Variants in KIF15 observed in about 807,000 individuals in gnomAD.
KIF15 encodes kinesin-like protein KIF15.
KIF15 carries 140 observed loss-of-function variants against 190.6 expected under a neutral mutation model. That is an observed-to-expected ratio of 0.73 (90% CI 0.64 to 0.84). KIF15 has a LOEUF of 0.84. Ranked by LOEUF, KIF15 falls within the 40% of genes least tolerant of loss-of-function variation. The pLI is 0.00. For missense variants in KIF15, 1,372 were observed against 1,584.4 expected (o/e 0.87, Z 2.28); for synonymous variants, 528 against 551.3 (o/e 0.96, Z 0.59).
intron 28 of KIF15, among the ~76,000 whole-genome samples, chr3:44,840,844 T>C (rs55887024): frequency 0.43 from 64,169 of 149,674 alleles, 15,257 homozygotes; most frequent in East Asian, 0.84. Context: ...AATTTTTTTT[T>C]CTGTATTTTA....
chr3:44,830,876 C>T lies in KIF15; in HGVS notation c.3049-20C>T, dbSNP rs766106372. ...ACAGGAAATAAAATGGCTCTTATAGCATGACTTTCTTTTCTACAGTGCAAA... is the reference window on the plus strand; with the variant it reads ...ACAGGAAATAAAATGGCTCTTATAGTATGACTTTCTTTTCTACAGTGCAAA... On this transcript the variant is annotated intron_variant, in intron 25 of 34. Transcript: ENST00000326047. 1 of 1,605,346 alleles carries T rather than the reference C, an allele frequency of 6.2e-7. No individual in the cohort carries two copies. The highest frequency in any genetic ancestry group is 1.7e-5 in the Admixed American group (1 of 58,276).
chr3:44,853,023 A>G lies in KIF15; in HGVS notation c.*288A>G, dbSNP rs1237295030. 4.4e-6 allele frequency: 1 copy of G among 226,440 alleles called. No individual in the cohort carries two copies. The highest frequency in any genetic ancestry group is 9.5e-5 in the East Asian group (1 of 10,510). The allele number at this position is 226,440 out of a possible 1,614,324, so 14.0% of individuals were successfully genotyped here. ...ATAAAAGCCTGTAGCTAAGGTTTAC[A>G]GTGGACATTAGCCAGATCATTTTCT... On this transcript the variant is annotated 3_prime_UTR_variant, in exon 35 of 35. Transcript: ENST00000326047.
chr3:44,796,969 A>T (rs1038996505), intron 8 of KIF15, among the ~76,000 whole-genome samples: 1 of 151,934 alleles, frequency 6.6e-6, no homozygotes, highest in Non-Finnish European at 1.5e-5. Context: ...GTTTCAAACT[A>T]TTACAATCAT....
At chr3:44,846,813 A>C (rs2125725429) in intron 30 of KIF15, among the ~76,000 whole-genome samples, 1 of 150,792 alleles carries the variant, frequency 6.6e-6, no homozygotes, top group Non-Finnish European at 1.5e-5. Flanking sequence ...TCATAGCCTC[A>C]CATTCCTTAT....
Position 44,785,379 on chromosome 3 carries a change from C to T in KIF15, c.459+437C>T, listed in dbSNP as rs371928780. ...CATCCAGCAGTGATGGACTCATCCT[C>T]ACCACCTTTGTAGCACCTGCTACTG... On this transcript the variant is annotated intron_variant, in intron 6 of 34. Coordinates refer to ENST00000326047, the MANE Select transcript of KIF15 (RefSeq NM_020242.3). Among the ~76,000 whole-genome samples, 27 of 152,336 alleles carry T rather than the reference C, an allele frequency of 1.8e-4. No individual in the cohort carries two copies. The South Asian group carries it at 5.6e-3, about 32-fold the overall frequency.
At chr3:44,865,490 G>A (rs1699311503) in intron 6 of KIF15, 1 of 332,070 alleles carries the variant, frequency 3.0e-6, no homozygotes, top group Non-Finnish European at 5.7e-6. Flanking sequence ...TTGAAACCAC[G>A]CTGTAATTAT....
At chr3:44,806,009 C>G (rs1250052153) in intron 16 of KIF15, 23 bp downstream of exon 16, 1 of 1,609,544 alleles carries the variant, frequency 6.2e-7, no homozygotes, top group South Asian at 1.1e-5. Context: ...AACAATACCT[C>G]CACCTTAAAT....
chr3:44,762,048 A>G (rs1705169794), intron 1 of KIF15, among the ~76,000 whole-genome samples, 164 bp downstream of exon 1: 1 of 152,198 alleles, frequency 6.6e-6, no homozygotes. Context: ...CTCAAAGACA[A>G]TACGCTAGCC....
chr3:44,798,302 A>G (rs955131771), intron 10 of KIF15, among the ~76,000 whole-genome samples: 1 of 151,722 alleles, frequency 6.6e-6, no homozygotes, highest in Non-Finnish European at 1.5e-5. Context: ...AGCTGGAACT[A>G]CAGGCATGCA....
chr3:44,772,315 C>T (rs1296657496), intron 1 of KIF15, among the ~76,000 whole-genome samples: 1 of 152,198 alleles, frequency 6.6e-6, no homozygotes, highest in Non-Finnish European at 1.5e-5. Flanking sequence ...ACCTCTAATT[C>T]CTGGGGCTCC....
Position 44,794,335 on chromosome 3 carries a change from T to TTGTGAATATACGGACCTCCC in KIF15, c.760_779dup (p.Leu261Ter). On this transcript the variant is annotated frameshift_variant, in exon 8 of 35. Coordinates refer to ENST00000326047, the MANE Select transcript of KIF15 (RefSeq NM_020242.3). LOFTEE classifies it high-confidence loss of function. ...GAGTCAATGGAGAAAAGTAATGAGA[T>TTGTGAATATACGGACCTCCC]TGTGAATATACGGACCTCCCTACTC... is the stretch of plus-strand genomic sequence containing the variant. The TTGTGAATATACGGACCTCCC allele has an allele frequency of 6.2e-7, 1 of 1,613,900 alleles. No homozygotes were observed. Among genetic ancestry groups the TTGTGAATATACGGACCTCCC allele is most frequent in the Non-Finnish European group, 8.5e-7 (1 of 1,179,908 alleles).
At chr3:44,841,051 G>A (rs200922429) in intron 28 of KIF15, 23 bp from the exon 29 acceptor site, 63 of 1,579,726 alleles carry the variant, frequency 4.0e-5, no homozygotes, top group Non-Finnish European at 5.3e-5. Context: ...TGGATATTTG[G>A]ATGAGATGTG....
At position 44,840,377 on chromosome 3, in the gene KIF15, T is replaced by C. The variant is rs749869703; in HGVS notation, c.3341T>C (p.Val1114Ala). 1 of 1,607,708 alleles carries C rather than the reference T, an allele frequency of 6.2e-7. No individual in the cohort carries two copies. Among genetic ancestry groups the C allele is most frequent in the South Asian group, 1.1e-5 (1 of 89,842 alleles). The change falls in exon 28 of 35, where the codon GTA (valine) becomes GCA (alanine). Residue 1114 changes from valine (V) to alanine (A), a missense_variant. Transcript: ENST00000326047. ...QHKLNQKKEE[V>A]EQKKNEYNFK... ...CAGCTAAACCAAAAGAAAGAGGAAG[T>C]AGAACAGAAGAAGAATGAATATAAC...
chr3:44,837,642 A>C (rs931682367), intron 26 of KIF15, among the ~76,000 whole-genome samples: 1 of 152,180 alleles, frequency 6.6e-6, no homozygotes, highest in Admixed American at 6.5e-5. Context: ...GCACACACAT[A>C]CCTACATACA....
chr3:44,763,522 G>A (rs536163046), intron 1 of KIF15, among the ~76,000 whole-genome samples: 12 of 151,732 alleles, frequency 7.9e-5, no homozygotes, highest in Admixed American at 3.3e-4. Context: ...GGATGGTCTC[G>A]ATCTCCTGAC....
In KIF15 at chr3:44,838,438, T is replaced by C; in HGVS notation, c.3318+17T>C. ...CAGCACAAGGTGAGAAACACACAGG[T>C]GTCACTCAAGATGGGAGACAAGAGA... On this transcript the variant is annotated intron_variant, in intron 27 of 34. Coordinates refer to ENST00000326047, the MANE Select transcript of KIF15 (RefSeq NM_020242.3). The C allele has an allele frequency of 6.2e-7, 1 of 1,606,988 alleles. No homozygotes were observed. The highest frequency in any genetic ancestry group is 1.1e-5 in the South Asian group (1 of 89,848).
chr3:44,821,851 C>A (rs1697347906), intron 20 of KIF15, among the ~76,000 whole-genome samples: 1 of 152,242 alleles, frequency 6.6e-6, no homozygotes, highest in Non-Finnish European at 1.5e-5. Context: ...ATTGAGTGAA[C>A]CAGACTCCGT....
intron 20 of KIF15, among the ~76,000 whole-genome samples, chr3:44,815,467 G>C (rs145496446): frequency 6.6e-6 from 1 of 152,300 alleles, no homozygotes; most frequent in African/African-American, 2.4e-5. Flanking sequence ...ATCTGAATTG[G>C]TTTTGCTTGA....
chr3:44,840,837 T>A (rs960264970), intron 28 of KIF15, among the ~76,000 whole-genome samples: 1 of 25,242 alleles, frequency 4.0e-5, no homozygotes, highest in Admixed American at 4.5e-4. Flanking sequence ...CCTGGCTAAT[T>A]TTTTTTTCTG....
Sources: gnomAD v4.1 joint callset for allele counts (sites outside exome capture counted in the v4.1 genomes callset) on GRCh38, gnomAD v4.1.1 for gene constraint, MANE v1.5 for transcripts, NCBI Gene and HGNC (gene_info 2026-07-23, HGNC 2026-07-21) for gene names.